Variants in PPP1R10 observed in about 807,000 individuals in gnomAD.
PPP1R10 encodes the protein protein phosphatase 1 regulatory subunit 10.
In PPP1R10, 15 loss-of-function variants were observed where a neutral mutation model predicts 99.0. The ratio of observed to expected loss-of-function variants is 0.15; its 90% CI spans 0.10 to 0.23. The LOEUF (loss-of-function observed/expected upper bound fraction) is 0.23, where lower values mean the gene tolerates loss of function less well. PPP1R10 is among the 10% of genes least tolerant of loss of function. PPP1R10 has a pLI of 1.00. For missense variants in PPP1R10, 947 were observed against 1,259.4 expected, an observed-to-expected ratio of 0.75 and a Z score of 3.75; for synonymous variants, 430 against 449.5, an observed-to-expected ratio of 0.96 and a Z score of 0.55.
intron 2 of PPP1R10, among the ~76,000 whole-genome samples, chr6:30,616,246 C>A (rs1185620192): frequency 1.3e-5 from 2 of 152,206 alleles, no homozygotes; most frequent in African/African-American, 4.8e-5. Flanking sequence ...GCCCTCCCTC[C>A]ACCCTCTCTT....
rs1803457076 is a variant in PPP1R10 at position 30,602,512 on chromosome 6, TTCCTCCTCG to T, written c.2128_2136del (p.Arg710_Gly712del). On this transcript the variant is annotated inframe_deletion, in exon 19 of 20. Transcript: ENST00000376511. This position sits in a 1 kb window ranked among gnomAD's most constrained non-coding sequence, Gnocchi z 6.7. The stretch of plus-strand genomic sequence containing the variant: ...GGAGGAGGAGGAGGAGGAGGTTCGT[TTCCTCCTCG>T]GCCACCTCGGCCTCTATGGTATGGT... 9 of 1,571,258 alleles carry T rather than the reference TTCCTCCTCG, an allele frequency of 5.7e-6. No homozygotes were observed. Among genetic ancestry groups the T allele is most frequent in the Non-Finnish European group, 7.8e-6 (9 of 1,156,866 alleles).
chr6:30,612,469 AC>A (rs1450981955), intron 2 of PPP1R10, among the ~76,000 whole-genome samples: 8 of 152,220 alleles, frequency 5.3e-5, no homozygotes, highest in Admixed American at 5.2e-4. Flanking sequence ...GGATCCAGGG[AC>A]TTTTTTATTC....
Position 30,609,880 on chromosome 6 carries a change from T to A in PPP1R10, c.65A>T (p.Asp22Val). ...LKGLDSFLNR[D>V]GEVKSVDGIS... ...CCCATCCACACTTTTGACTTCCCCA[T>A]CTCGGTTAAGGAAGCTGTCCAGGCC... The change falls in exon 3 of 20, where the codon GAT becomes GTT. Residue 22 changes from aspartate to valine, a missense_variant. Transcript: ENST00000376511. The surrounding 1 kb of genome is among the most constrained non-coding windows in gnomAD (Gnocchi z 4.5). The A allele has an allele frequency of 6.2e-7, 1 of 1,614,064 alleles. No homozygotes were observed. The highest frequency in any genetic ancestry group is 8.5e-7 in the Non-Finnish European group (1 of 1,180,012).
intron 14 of PPP1R10, 59 bp downstream of exon 14, chr6:30,603,949 G>A: frequency 6.6e-7 from 1 of 1,525,544 alleles, no homozygotes; most frequent in Non-Finnish European, 8.8e-7. Context: ...CCCAGCTCAT[G>A]TTCCCTCAGG....
intron 2 of PPP1R10, among the ~76,000 whole-genome samples, chr6:30,615,848 ATCTTTAT>A (rs1760451268): frequency 6.6e-6 from 1 of 152,150 alleles, no homozygotes. Flanking sequence ...GTGTCTTGCA[ATCTTTAT>A]TCCTAGATTG....
chr6:30,615,023 G>C (rs990108944), intron 2 of PPP1R10, among the ~76,000 whole-genome samples: 2 of 152,146 alleles, frequency 1.3e-5, no homozygotes, highest in Non-Finnish European at 2.9e-5. Context: ...GGAGAGAGGA[G>C]GAAGAAAGCT....
At chr6:30,608,525 T>A (rs1193939257) in intron 5 of PPP1R10, among the ~76,000 whole-genome samples, 1 of 151,944 alleles carries the variant, frequency 6.6e-6, no homozygotes, top group African/African-American at 2.4e-5. Flanking sequence ...ATGGTCTCAG[T>A]CTCCTGACCT....
chr6:30,607,962 CA>C (rs1292828897), intron 5 of PPP1R10, 71 bp from the exon 6 acceptor site: 1 of 1,343,212 alleles, frequency 7.4e-7, no homozygotes, highest in East Asian at 2.4e-5. Flanking sequence ...CTAAAAACGA[CA>C]AAAGTTACAG....
chr6:30,601,318 A>AGTCCAGGAACGT lies in PPP1R10; in HGVS notation c.*219_*230dup. ...AAGCCAACTGGGTCTCCTCTTCAGC[A>AGTCCAGGAACGT]GTCCAGGAACGTTTCCAGTCTCTCT... On this transcript the variant is annotated 3_prime_UTR_variant, in exon 20 of 20. Transcript: ENST00000376511. The AGTCCAGGAACGT allele has an allele frequency of 1.8e-6, 1 of 547,142 alleles. No individual in the cohort carries two copies. 33.9% of individuals were successfully genotyped at this position (547,142 alleles called of 1,614,324 possible). A position where few individuals can be genotyped will look rare whatever the true frequency, so the allele number is the denominator to read the frequency against.
In PPP1R10 at chr6:30,606,577, C is replaced by T. The variant is rs1561839176; in HGVS notation, c.525G>A (p.Leu175=). 6.2e-7 allele frequency: 1 copy of T among 1,614,174 alleles called. No homozygotes were observed. The highest frequency in any genetic ancestry group is 8.5e-7 in the Non-Finnish European group (1 of 1,180,046). Residue 175 remains leucine (L), a synonymous_variant, in exon 8 of 20, where the codon TTG becomes TTA. Coordinates refer to ENST00000376511, the MANE Select transcript of PPP1R10 (RefSeq NM_002714.4). The surrounding 1 kb of genome is among the most constrained non-coding windows in gnomAD (Gnocchi z 6.3). ...KSRTTLPERP[L]TEVKAETRAE... ...CCCGGGTCTCAGCCTTCACCTCTGTCAAAGGTCGCTCAGGAAGGGTAGTTC... is the reference window on the plus strand; with the variant it reads ...CCCGGGTCTCAGCCTTCACCTCTGTTAAAGGTCGCTCAGGAAGGGTAGTTC...
At position 30,604,068 on chromosome 6, in the gene PPP1R10, C is replaced by T. The variant is rs368122781; in HGVS notation, c.1448G>A (p.Arg483Gln). 8.1e-5 allele frequency: 130 copies of T among 1,613,668 alleles called. No homozygotes were observed. Among genetic ancestry groups the T allele is most frequent in the Non-Finnish European group, 1.1e-4 (124 of 1,179,910 alleles). ...LVTPGSNSQE[R>Q]YIQAEREKGI... ...CTTCTCCCGCTCAGCCTGGATATAT[C>T]GCTCCTGACTATTGCTTCCAGGGGT... Residue 483 changes from arginine (R) to glutamine (Q), a missense_variant, in exon 14 of 20, where the codon CGA (arginine) becomes CAA (glutamine). Around this residue, in one of 10 missense-constraint regions of PPP1R10, gnomAD observed 50 missense variants for 78.6 expected, o/e 0.64. Transcript: ENST00000376511. This position sits in a 1 kb window ranked among gnomAD's most constrained non-coding sequence, Gnocchi z 7.3.
At chr6:30,603,044 C>A (rs1479538245) in intron 17 of PPP1R10, 85 bp from the exon 18 acceptor site, 12 of 1,395,024 alleles carry the variant, frequency 8.6e-6, no homozygotes, top group Non-Finnish European at 1.2e-5. Context: ...AACTGACCCT[C>A]TCAAACCAAC....
At chr6:30,607,766 T>G in intron 6 of PPP1R10, 74 bp downstream of exon 6, 1 of 1,487,554 alleles carries the variant, frequency 6.7e-7, no homozygotes, top group Non-Finnish European at 9.3e-7. Flanking sequence ...AATCCAAGGA[T>G]GGGAAAAGAT....
At chr6:30,614,846 A>G (rs1392991788) in intron 2 of PPP1R10, among the ~76,000 whole-genome samples, 1 of 152,162 alleles carries the variant, frequency 6.6e-6, no homozygotes, top group Non-Finnish European at 1.5e-5. Flanking sequence ...TGGTTCTATA[A>G]AAACTAGAAC....
chr6:30,601,328 C>T lies in PPP1R10; in HGVS notation c.*221G>A, dbSNP rs181958763. 9 of 570,074 alleles carry T rather than the reference C, an allele frequency of 1.6e-5. No homozygotes were observed. In the East Asian group the frequency reaches 1.7e-4, roughly 11 times the overall value. The allele number at this position is 570,074 out of a possible 1,614,324, so 35.3% of individuals were successfully genotyped here. A position where few individuals can be genotyped will look rare whatever the true frequency, so the allele number is the denominator to read the frequency against. ...GGTCTCCTCTTCAGCAGTCCAGGAACGTTTCCAGTCTCTCTCCTCCCCAGA... is the reference window on the plus strand; with the variant it reads ...GGTCTCCTCTTCAGCAGTCCAGGAATGTTTCCAGTCTCTCTCCTCCCCAGA... On this transcript the variant is annotated 3_prime_UTR_variant, in exon 20 of 20. Transcript: ENST00000376511.
chr6:30,611,784 G>A (rs766758692), intron 2 of PPP1R10, among the ~76,000 whole-genome samples: 11 of 152,110 alleles, frequency 7.2e-5, no homozygotes, highest in Non-Finnish European at 1.3e-4. Flanking sequence ...TTGAGAAGTC[G>A]CTGCTGCCCT....
rs1405876860 is a variant in PPP1R10 at position 30,603,553 on chromosome 6, C to CAT, written c.1684_1685dup (p.Met562IlefsTer41). On this transcript the variant is annotated frameshift_variant, in exon 16 of 20. Coordinates refer to ENST00000376511, the MANE Select transcript of PPP1R10 (RefSeq NM_002714.4). LOFTEE classifies it high-confidence loss of function. The stretch of plus-strand genomic sequence containing the variant: ...GGCCCTTTCCAGCACCCATGCTTCC[C>CAT]ATAAGATTGGCCAGAACTGGAGGCA... The CAT allele has an allele frequency of 6.2e-7, 1 of 1,614,066 alleles. No homozygotes were observed. The highest frequency in any genetic ancestry group is 8.5e-7 in the Non-Finnish European group (1 of 1,179,990).
At chr6:30,611,255 A>T (rs1348376767) in intron 2 of PPP1R10, among the ~76,000 whole-genome samples, 1 of 152,198 alleles carries the variant, frequency 6.6e-6, no homozygotes, top group Non-Finnish European at 1.5e-5. Context: ...GGCTACAATG[A>T]GCTGTGATTG....
chr6:30,609,845 T>G lies in PPP1R10; in HGVS notation c.100A>C (p.Ile34Leu). The part of the protein sequence containing the change: ...EVKSVDGISK[I>L]FSLMKEARKM... ...AAAGGGGTAAAGACTCACCTGAAGA[T>G]CTTGGAAATCCCATCCACACTTTTG... is the stretch of plus-strand genomic sequence containing the variant. The change falls in exon 3 of 20, where the codon ATC becomes CTC. Residue 34 changes from isoleucine (I) to leucine (L), a missense_variant. Physicochemically the swap from Ile to Leu is conservative, Grantham distance 5. Transcript: ENST00000376511. The surrounding 1 kb of genome is among the most constrained non-coding windows in gnomAD (Gnocchi z 4.5). The G allele has an allele frequency of 6.2e-7, 1 of 1,612,832 alleles. No homozygotes were observed.
Sources: gnomAD v4.1 joint callset for allele counts (sites outside exome capture counted in the v4.1 genomes callset) on GRCh38, gnomAD v4.1.1 for gene constraint, gnomAD v4.1.1 regional missense constraint, Gnocchi (gnomAD v3.1) non-coding constraint, MANE v1.5 for transcripts, NCBI Gene and HGNC (gene_info 2026-07-23, HGNC 2026-07-21) for gene names.